The following NR3C1 variants were observed in gnomAD, a reference collection of about 807,000 sequenced individuals.
NR3C1 encodes the protein nuclear receptor subfamily 3 group C member 1, also known as glucocorticoid receptor.
A neutral mutation model predicts 74.0 loss-of-function variants in NR3C1; 14 were observed. The ratio of observed to expected loss-of-function variants is 0.19; its 90% CI spans 0.12 to 0.30. The LOEUF (loss-of-function observed/expected upper bound fraction) is 0.30, where lower values mean the gene tolerates loss of function less well. NR3C1 is among the 10% of genes least tolerant of loss of function. The probability of loss-of-function intolerance (pLI) is 1.00; values close to 1 mark genes in which losing one functional copy is unlikely to be tolerated. For synonymous variants in NR3C1, 308 were observed against 332.5 expected (o/e 0.93, Z 0.80); for missense variants, 695 against 909.8 (o/e 0.76, Z 3.04).
At chr5:143,427,859 G>A (rs941621511) in intron 1 of NR3C1, among the ~76,000 whole-genome samples, 6 of 152,096 alleles carry the variant, frequency 3.9e-5, no homozygotes, top group Non-Finnish European at 8.8e-5. Context: ...CTATAAGAGG[G>A]TTTTAACCAC....
intron 2 of NR3C1, among the ~76,000 whole-genome samples, chr5:143,326,063 C>G (rs1824532303): frequency 6.6e-6 from 1 of 152,156 alleles, no homozygotes; most frequent in Non-Finnish European, 1.5e-5. Flanking sequence ...TAAATTATCT[C>G]AAATAATTTT....
At position 143,400,310 on chromosome 5, in the gene NR3C1, T is replaced by C. The variant is rs769856104; in HGVS notation, c.530A>G (p.Asn177Ser). ...QQHLKGQTGT[N>S]GGNVKLYTTD... ...GGTATACAATTTCACATTGCCACCG[T>C]TGGTGCCAGTCTGGCCCTTCAAATG... is the stretch of plus-strand genomic sequence containing the variant. Residue 177 changes from asparagine to serine, a missense_variant, in exon 2 of 9, where the codon AAC becomes AGC. Coordinates refer to ENST00000394464, the MANE Select transcript of NR3C1 (RefSeq NM_000176.3). The C allele has an allele frequency of 3.2e-5, 52 of 1,610,650 alleles. No homozygotes were observed. The highest frequency in any genetic ancestry group is 1.7e-4 in the Middle Eastern group (1 of 6,052).
chr5:143,423,032 A>G (rs1218353631), intron 1 of NR3C1, among the ~76,000 whole-genome samples: 4 of 151,992 alleles, frequency 2.6e-5, no homozygotes, highest in Non-Finnish European at 5.9e-5. Flanking sequence ...ATCCAATTTG[A>G]TTTGATTTTT....
chr5:143,291,692 G>A lies in NR3C1; in HGVS notation c.2023+3768C>T, dbSNP rs10039663. Among the ~76,000 whole-genome samples the A allele has an allele frequency of 4.2e-3, 639 of 152,258 alleles. 2 individuals carry two copies. Among genetic ancestry groups the A allele is most frequent in the African/African-American group, 0.015 (613 of 41,550 alleles). ...TGTTTATATTGCATTTGAGTTTGGG[G>A]GAATTTCCTTTGACCTATCTATCTT... On this transcript the variant is annotated intron_variant, in intron 7 of 8. Transcript: ENST00000394464.
At chr5:143,367,958 A>G (rs1431594945) in intron 2 of NR3C1, among the ~76,000 whole-genome samples, 1 of 152,224 alleles carries the variant, frequency 6.6e-6, no homozygotes, top group Non-Finnish European at 1.5e-5. Context: ...CTTAAAAAAG[A>G]ACAAAGTTGG....
At chr5:143,308,153 G>A (rs562591913) in intron 4 of NR3C1, among the ~76,000 whole-genome samples, 8 of 152,242 alleles carry the variant, frequency 5.3e-5, no homozygotes, top group African/African-American at 1.7e-4. Flanking sequence ...CCAACAATTA[G>A]TCTCTCCTAT....
At chr5:143,297,443 T>A (rs10482686) in intron 6 of NR3C1, among the ~76,000 whole-genome samples, 2,037 of 152,308 alleles carry the variant, frequency 0.013, 49 homozygotes, top group African/African-American at 0.046. Context: ...GCCAACATGG[T>A]ATTTTTTAAA....
chr5:143,405,051 G>A (rs1841014301), upstream of NR3C1: 1 of 891,226 alleles, frequency 1.1e-6, no homozygotes, highest in Admixed American at 6.2e-5. Context: ...AGAGGGCCGT[G>A]GGGCGAGGGG....
In NR3C1 at chr5:143,279,489, G is replaced by C; in HGVS notation, c.*2400C>G. On this transcript the variant is annotated 3_prime_UTR_variant, in exon 9 of 9. Coordinates refer to ENST00000394464, the MANE Select transcript of NR3C1 (RefSeq NM_000176.3). Reference sequence around the variant, plus strand: ...TGTCATTGATAAGAATATTCAAGCAGTTTTCTTAGGCACCAAAAATTTATC... The same window carrying C: ...TGTCATTGATAAGAATATTCAAGCACTTTTCTTAGGCACCAAAAATTTATC... The C allele has an allele frequency of 7.2e-7, 1 of 1,397,442 alleles. No individual in the cohort carries two copies. Among genetic ancestry groups the C allele is most frequent in the African/African-American group, 1.5e-5 (1 of 66,260 alleles). 86.6% of individuals were successfully genotyped at this position (1,397,442 alleles called of 1,614,324 possible).
intron 2 of NR3C1, among the ~76,000 whole-genome samples, chr5:143,388,948 T>C (rs1191349889): frequency 6.6e-6 from 1 of 152,220 alleles, no homozygotes; most frequent in Non-Finnish European, 1.5e-5. Flanking sequence ...GTTGGCTCAT[T>C]CCTATGTACT....
chr5:143,404,198 GC>G, upstream of NR3C1: 1 of 985,412 alleles, frequency 1.0e-6, no homozygotes, highest in Non-Finnish European at 1.2e-6. Flanking sequence ...TGCGTGAGTG[GC>G]CCGCGCCGCC....
chr5:143,326,623 TCTGA>T (rs1476815840), intron 2 of NR3C1, among the ~76,000 whole-genome samples: 1 of 152,230 alleles, frequency 6.6e-6, no homozygotes, highest in Non-Finnish European at 1.5e-5. Context: ...TTGTTATATG[TCTGA>T]CTAATGTATT....
At chr5:143,331,982 G>A (rs1219883099) in intron 2 of NR3C1, among the ~76,000 whole-genome samples, 2 of 152,102 alleles carry the variant, frequency 1.3e-5, no homozygotes, top group Admixed American at 1.3e-4. Flanking sequence ...GGGCAGGGGA[G>A]AAAAGGAACC....
In NR3C1 at chr5:143,300,747, T is replaced by C. The variant is rs569947466; in HGVS notation, c.1485A>G (p.Lys495=). 3 of 1,613,798 alleles carry C rather than the reference T, an allele frequency of 1.9e-6. No homozygotes were observed. In the African/African-American group the frequency reaches 4.0e-5, roughly 22 times the overall value. Reference sequence around the variant, plus strand: ...TGGCCTGCTGAATTCCTTTTATTTTTTTCTTTGTTTTTCGAGCTGTGGGTA... The same window carrying C: ...TGGCCTGCTGAATTCCTTTTATTTTCTTCTTTGTTTTTCGAGCTGTGGGTA... ...GMNLEARKTK[K]KIKGIQQATT... The change falls in exon 5 of 9, where the codon AAA becomes AAG. Residue 495 remains lysine (K), a synonymous_variant. Transcript: ENST00000394464. The surrounding 1 kb of genome is among the most constrained non-coding windows in gnomAD (Gnocchi z 5.2).
At chr5:143,405,082 G>GCCCCAGCTCCCTT (rs1841019573), upstream of NR3C1, 2 of 979,366 alleles carry the variant, frequency 2.0e-6, no homozygotes, top group African/African-American at 3.5e-5. Context: ...GGAAGCCCCC[G>GCCCCAGCTCCCTT]CCCCAGCTCC....
chr5:143,324,164 C>G (rs1463860687), intron 2 of NR3C1, among the ~76,000 whole-genome samples: 2 of 152,240 alleles, frequency 1.3e-5, no homozygotes. Flanking sequence ...AGTAGGGATT[C>G]TGTGTGAGGG....
upstream of NR3C1, among the ~76,000 whole-genome samples, chr5:143,406,227 T>C (rs1841101431): frequency 6.6e-6 from 1 of 152,066 alleles, no homozygotes; most frequent in Admixed American, 6.5e-5. Context: ...GAATCTCTGC[T>C]CTAAGAATCC....
intron 2 of NR3C1, among the ~76,000 whole-genome samples, chr5:143,354,605 T>C (rs1830782034): frequency 6.6e-6 from 1 of 152,036 alleles, no homozygotes; most frequent in Non-Finnish European, 1.5e-5. Flanking sequence ...TACGGTGCCT[T>C]ATACAGGTGA....
chr5:143,399,401 A>T (rs1041899091), intron 2 of NR3C1, among the ~76,000 whole-genome samples: 41 of 152,170 alleles, frequency 2.7e-4, no homozygotes, highest in Admixed American at 1.6e-3. Context: ...ACATTATTTT[A>T]AAAATGTTAA....
Sources: gnomAD v4.1 joint callset for allele counts (sites outside exome capture counted in the v4.1 genomes callset) on GRCh38, gnomAD v4.1.1 for gene constraint, Gnocchi (gnomAD v3.1) non-coding constraint, MANE v1.5 for transcripts, NCBI Gene and HGNC (gene_info 2026-07-23, HGNC 2026-07-21) for gene names.